UNC5B: variants seen among roughly 807,000 people sequenced by gnomAD.
UNC5B encodes the protein netrin receptor UNC5B.
In UNC5B, 56 loss-of-function variants were observed where a neutral mutation model predicts 103.7. The ratio of observed to expected loss-of-function variants is 0.54; its 90% CI spans 0.44 to 0.67. The LOEUF (loss-of-function observed/expected upper bound fraction) is 0.67. Ranked by LOEUF, UNC5B falls within the 30% of genes least tolerant of loss-of-function variation. The pLI is 0.00. For missense variants in UNC5B, 1,194 were observed against 1,284.5 expected, an observed-to-expected ratio of 0.93 and a Z score of 1.08; for synonymous variants, 577 against 542.0, an observed-to-expected ratio of 1.06 and a Z score of -0.90.
chr10:71,266,439 C>T (rs989681405), intron 1 of UNC5B, among the ~76,000 whole-genome samples: 5 of 152,200 alleles, frequency 3.3e-5, no homozygotes, highest in African/African-American at 9.7e-5. Context: ...ACTCAGAGGA[C>T]ATGGGGAGCG....
chr10:71,262,308 C>T (rs1214363645), intron 1 of UNC5B, among the ~76,000 whole-genome samples: 1 of 150,570 alleles, frequency 6.6e-6, no homozygotes, highest in African/African-American at 2.5e-5. Context: ...TGGGTCCGGG[C>T]TGGAGTGGGT....
At chr10:71,237,558 A>G (rs1350434108) in intron 1 of UNC5B, among the ~76,000 whole-genome samples, 1 of 152,132 alleles carries the variant, frequency 6.6e-6, no homozygotes, top group Non-Finnish European at 1.5e-5. Flanking sequence ...TGAGACGTCA[A>G]TAAGTAAATA....
rs1380323160 is a variant in UNC5B, at chr10:71,213,759, G to GTGTGTGTGTA, written c.79+698_79+699insGTGTGTATGT. Among the ~76,000 whole-genome samples the GTGTGTGTGTA allele has an allele frequency of 6.7e-6, 1 of 149,954 alleles. No individual in the cohort carries two copies. Among genetic ancestry groups the GTGTGTGTGTA allele is most frequent in the African/African-American group, 2.5e-5 (1 of 40,508 alleles). ...TGTGTGTGTGTGTGTGTGTGTGTGT[G>GTGTGTGTGTA]TGTTGGATGCGGGTAGGGGTTCTTA... On this transcript the variant is annotated intron_variant, in intron 1 of 16. Transcript: ENST00000335350. The surrounding 1 kb of genome is among the most constrained non-coding windows in gnomAD (Gnocchi z 4.1).
At chr10:71,246,390 G>T (rs1044902160) in intron 1 of UNC5B, among the ~76,000 whole-genome samples, 1 of 152,158 alleles carries the variant, frequency 6.6e-6, no homozygotes, top group Admixed American at 6.5e-5. Context: ...TCACAGTGGG[G>T]TGGGGGGCCA....
In UNC5B at chr10:71,286,824, A is replaced by T. The variant is rs148686628; in HGVS notation, c.688A>T (p.Ile230Phe). ...TANYTCVAKNIVAKRRSTTAT... is the reference protein window; with the variant it reads ...TANYTCVAKNFVAKRRSTTAT... The stretch of plus-strand genomic sequence containing the variant: ...CAACTATACCTGCGTGGCCAAGAAC[A>T]TCGTGGCCAAACGCCGGAGCACCAC... Residue 230 changes from isoleucine to phenylalanine, a missense_variant, in exon 5 of 17, where the codon ATC becomes TTC. Coordinates refer to ENST00000335350, the MANE Select transcript of UNC5B (RefSeq NM_170744.5). The T allele has an allele frequency of 1.7e-5, 27 of 1,613,970 alleles. No homozygotes were observed. The African/African-American group carries it at 3.6e-4, about 22-fold the overall frequency.
intron 1 of UNC5B, among the ~76,000 whole-genome samples, chr10:71,275,027 CT>C (rs1844736513): frequency 6.6e-6 from 1 of 152,172 alleles, no homozygotes. Context: ...ACTCCAGGGC[CT>C]GGGAGAGAAT....
chr10:71,289,344 A>G (rs960647062), intron 8 of UNC5B, among the ~76,000 whole-genome samples: 1 of 152,210 alleles, frequency 6.6e-6, no homozygotes, highest in Non-Finnish European at 1.5e-5. Flanking sequence ...GTTCTTAACC[A>G]TATGCCCTTG....
intron 1 of UNC5B, among the ~76,000 whole-genome samples, chr10:71,254,166 A>G (rs983984858): frequency 3.3e-5 from 5 of 152,228 alleles, no homozygotes; most frequent in Admixed American, 3.3e-4. Flanking sequence ...ATGCAAAGTA[A>G]TGTAAATTAT....
intron 1 of UNC5B, among the ~76,000 whole-genome samples, chr10:71,227,101 C>T (rs1465488119): frequency 2.6e-5 from 4 of 152,008 alleles, no homozygotes; most frequent in Non-Finnish European, 5.9e-5. Context: ...TCTCCTGCCT[C>T]AGCCTCCCGA....
intron 1 of UNC5B, among the ~76,000 whole-genome samples, chr10:71,227,173 C>T (rs536152385): frequency 7.9e-5 from 12 of 151,952 alleles, no homozygotes; most frequent in East Asian, 3.9e-4. Flanking sequence ...TTAGTAGAGA[C>T]GGGGTTTCAC....
chr10:71,217,751 G>A (rs1171170049), intron 1 of UNC5B: 1 of 152,288 alleles, frequency 6.6e-6, no homozygotes, highest in Non-Finnish European at 1.5e-5. Context: ...TGGGCTGCTG[G>A]GCGCCAGAAT....
chr10:71,277,460 C>G (rs1564727688), intron 1 of UNC5B, among the ~76,000 whole-genome samples: 2 of 152,226 alleles, frequency 1.3e-5, no homozygotes, highest in African/African-American at 4.8e-5. Flanking sequence ...GGCATGGAGC[C>G]TGGCAGGTTC....
intron 1 of UNC5B, among the ~76,000 whole-genome samples, chr10:71,238,436 A>G (rs1310330832): frequency 6.6e-6 from 1 of 152,084 alleles, no homozygotes; most frequent in African/African-American, 2.4e-5. Flanking sequence ...CTGATTAGCG[A>G]TAGGCCCTGC....
Position 71,273,099 on chromosome 10 carries a change from G to C in UNC5B, c.80-6722G>C, listed in dbSNP as rs112579870. On this transcript the variant is annotated intron_variant, in intron 1 of 16. Coordinates refer to ENST00000335350, the MANE Select transcript of UNC5B (RefSeq NM_170744.5). The stretch of plus-strand genomic sequence containing the variant: ...AGACAGGCTTTCGCCATGTTATCCA[G>C]GCTTGTCTCGAACTCCTGACCTCAG... 6.0e-3 allele frequency among the ~76,000 whole-genome samples: 912 copies of C among 152,348 alleles called. 15 individuals carry two copies. Among genetic ancestry groups the C allele is most frequent in the African/African-American group, 0.021 (870 of 41,580 alleles).
At chr10:71,267,181 C>G (rs1021301311) in intron 1 of UNC5B, among the ~76,000 whole-genome samples, 1 of 152,176 alleles carries the variant, frequency 6.6e-6, no homozygotes, top group African/African-American at 2.4e-5. Flanking sequence ...GTGTTTCCAA[C>G]AGCCCTGTCA....
intron 1 of UNC5B, among the ~76,000 whole-genome samples, chr10:71,274,028 G>A (rs1844707356): frequency 6.6e-6 from 1 of 152,212 alleles, no homozygotes; most frequent in Non-Finnish European, 1.5e-5. Context: ...ACTGGGAAGT[G>A]CACTGTTTAG....
At position 71,279,915 on chromosome 10, in the gene UNC5B, C is replaced by T. The variant is rs1334015710; in HGVS notation, c.174C>T (p.Tyr58=). 3 of 1,614,026 alleles carry T rather than the reference C, an allele frequency of 1.9e-6. No individual in the cohort carries two copies. In the South Asian group the frequency reaches 3.3e-5, roughly 18 times the overall value. Residue 58 remains tyrosine (Y), a synonymous_variant, in exon 2 of 17, where the codon TAC becomes TAT. Coordinates refer to ENST00000335350, the MANE Select transcript of UNC5B (RefSeq NM_170744.5). ...TCCTGCAGGAGCCACAGGACGCCTACATTGTGAAGAACAAGCCTGTGGAGC... is the reference window on the plus strand; with the variant it reads ...TCCTGCAGGAGCCACAGGACGCCTATATTGTGAAGAACAAGCCTGTGGAGC... The part of the protein sequence containing the change: ...PYFLQEPQDA[Y]IVKNKPVELR...
In UNC5B at chr10:71,302,503, C is replaced by T. The variant is rs1383653205; in HGVS notation, c.*3226C>T. On this transcript the variant is annotated 3_prime_UTR_variant, in exon 17 of 17. Coordinates refer to ENST00000335350, the MANE Select transcript of UNC5B (RefSeq NM_170744.5). ...CCCTCTGCCTTCTCTCACAGTGCCC[C>T]CGGCTCCAGAGCTCAGGGGTAGGGG... is the stretch of plus-strand genomic sequence containing the variant. 2.0e-5 allele frequency: 3 copies of T among 152,420 alleles called. No homozygotes were observed. Among genetic ancestry groups the T allele is most frequent in the African/African-American group, 7.2e-5 (3 of 41,538 alleles). The allele number at this position is 152,420 out of a possible 1,614,324, so 9.4% of individuals were successfully genotyped here.
chr10:71,246,474 T>G (rs994116709), intron 1 of UNC5B, among the ~76,000 whole-genome samples: 24 of 152,184 alleles, frequency 1.6e-4, no homozygotes, highest in African/African-American at 5.8e-4. Context: ...CTGAGCTCCC[T>G]CTCTGCACAG....
Sources: allele counts gnomAD v4.1 joint callset (sites outside exome capture counted in the v4.1 genomes callset), GRCh38; gene constraint gnomAD v4.1.1; non-coding constraint Gnocchi (gnomAD v3.1); transcripts MANE v1.5; gene names NCBI Gene and HGNC (gene_info 2026-07-23, HGNC 2026-07-21).